The following MOB1B variants were observed in gnomAD, a reference collection of about 807,000 sequenced individuals.
MOB1B encodes the protein MOB kinase activator 1B.
MOB1B carries 19 observed loss-of-function variants against 24.4 expected under a neutral mutation model. That is an observed-to-expected ratio of 0.78 (90% CI 0.54 to 1.14). The LOEUF (loss-of-function observed/expected upper bound fraction) is 1.14, where lower values mean the gene tolerates loss of function less well. Among genes scored for constraint, MOB1B ranks in the 50% most tolerant of loss-of-function variants. The probability of loss-of-function intolerance (pLI) is 0.00; values close to 1 mark genes in which losing one functional copy is unlikely to be tolerated. For synonymous variants in MOB1B, 76 were observed against 82.1 expected, an observed-to-expected ratio of 0.93 and a Z score of 0.40; for missense variants, 243 against 259.6, an observed-to-expected ratio of 0.94 and a Z score of 0.44.
chr4:70,971,098 G>C (rs751831748), intron 3 of MOB1B, among the ~76,000 whole-genome samples: 4 of 152,212 alleles, frequency 2.6e-5, no homozygotes, highest in Admixed American at 6.5e-5. Context: ...GGGGTTTGTA[G>C]TTGCAGGTGC....
chr4:70,942,756 G>A (rs1177308552), intron 1 of MOB1B: 4 of 470,274 alleles, frequency 8.5e-6, no homozygotes, highest in Admixed American at 1.3e-4. Context: ...CTGTATCTGG[G>A]TTTATGAACA....
rs1022565270 is a variant in MOB1B, at chr4:70,983,374, T to A, written c.*1317T>A. On this transcript the variant is annotated 3_prime_UTR_variant, in exon 6 of 6. Transcript: ENST00000309395. ...GTATTAGATAATGAAAAATGCTAAT[T>A]CAGTAGTTATTAACTTCTAAATTTT... 1 of 152,584 alleles carries A rather than the reference T, an allele frequency of 6.6e-6. No homozygotes were observed. The highest frequency in any genetic ancestry group is 2.4e-5 in the African/African-American group (1 of 41,460). The allele number at this position is 152,584 out of a possible 1,614,324, so 9.5% of individuals were successfully genotyped here. A position where few individuals can be genotyped will look rare whatever the true frequency, so the allele number is the denominator to read the frequency against.
chr4:70,927,018 A>G (rs1210048563), intron 1 of MOB1B, among the ~76,000 whole-genome samples: 3 of 135,432 alleles, frequency 2.2e-5, no homozygotes, highest in Admixed American at 1.5e-4. Context: ...AAAAAAAAAG[A>G]AATAAGATGC....
In MOB1B at chr4:70,915,715, G is replaced by A. The variant is rs545627746; in HGVS notation, c.14+13165G>A. ...GTGACCCTGAGAAATCTTTATGGGC[G>A]GCAGAGGGGGACCGTTGGTCTTTTT... On this transcript the variant is annotated intron_variant, in intron 1 of 5. Coordinates refer to ENST00000309395, the MANE Select transcript of MOB1B (RefSeq NM_173468.4). 9.9e-4 allele frequency among the ~76,000 whole-genome samples: 151 copies of A among 152,052 alleles called. 1 individual carries two copies. The South Asian group carries it at 0.016, about 16-fold the overall frequency.
intron 1 of MOB1B, among the ~76,000 whole-genome samples, chr4:70,930,944 A>T (rs916310554): frequency 4.0e-5 from 6 of 149,678 alleles, no homozygotes; most frequent in African/African-American, 1.5e-4. Context: ...ACTTCTTTAA[A>T]CATTTTTAAT....
At chr4:70,903,409 C>T (rs1735601108) in intron 1 of MOB1B, among the ~76,000 whole-genome samples, 1 of 152,052 alleles carries the variant, frequency 6.6e-6, no homozygotes, top group African/African-American at 2.4e-5. Context: ...GGGGGAAGGG[C>T]AGAAGGATGG....
At chr4:70,980,322 G>GT (rs758392140) in intron 5 of MOB1B, among the ~76,000 whole-genome samples, 6 of 152,172 alleles carry the variant, frequency 3.9e-5, no homozygotes, top group Non-Finnish European at 8.8e-5. Flanking sequence ...TCTGTGTTTG[G>GT]TTTAGGCAGA....
chr4:70,976,657 A>G (rs1739009520), intron 4 of MOB1B: 1 of 969,824 alleles, frequency 1.0e-6, no homozygotes, highest in Non-Finnish European at 1.2e-6. Flanking sequence ...AACAATATAA[A>G]TAGTTGTTGT....
intron 5 of MOB1B, among the ~76,000 whole-genome samples, chr4:70,980,337 G>C (rs1382549849): frequency 6.6e-6 from 1 of 152,184 alleles, no homozygotes; most frequent in African/African-American, 2.4e-5. Context: ...GGCAGAACAT[G>C]ATTGCTAAAG....
chr4:70,981,856 A>G (rs1325000867), intron 5 of MOB1B, 124 bp from the exon 6 acceptor site: 1 of 654,194 alleles, frequency 1.5e-6, no homozygotes, highest in East Asian at 2.8e-5. Context: ...AACAAGAAAA[A>G]AATAATCTAC....
At chr4:70,952,702 A>T (rs1189433901) in intron 1 of MOB1B, among the ~76,000 whole-genome samples, 1 of 151,324 alleles carries the variant, frequency 6.6e-6, no homozygotes, top group African/African-American at 2.4e-5. Context: ...CTTATACCAG[A>T]TACTAGAAAC....
At chr4:70,956,482 A>T (rs183637796) in intron 1 of MOB1B, among the ~76,000 whole-genome samples, 1 of 151,912 alleles carries the variant, frequency 6.6e-6, no homozygotes, top group African/African-American at 2.4e-5. Flanking sequence ...CCAGGCTGGA[A>T]AGCAGTGGCG....
At chr4:70,923,682 G>A (rs1185314040) in intron 1 of MOB1B, among the ~76,000 whole-genome samples, 1 of 152,004 alleles carries the variant, frequency 6.6e-6, no homozygotes, top group African/African-American at 2.4e-5. Context: ...GGGTGCGGTG[G>A]CTCAAGCCTG....
rs796123021 is a variant in MOB1B at position 70,972,895 on chromosome 4, C to T, written c.276-2258C>T. ...TTCACACCATTCTCCTGCCTCAGCC[C>T]CCCGAGTAGCTGGGACTACAGGTGC... is the stretch of plus-strand genomic sequence containing the variant. On this transcript the variant is annotated intron_variant, in intron 3 of 5. Coordinates refer to ENST00000309395, the MANE Select transcript of MOB1B (RefSeq NM_173468.4). Among the ~76,000 whole-genome samples the T allele has an allele frequency of 2.1e-4, 32 of 152,034 alleles. 1 individual carries two copies. Among genetic ancestry groups the T allele is most frequent in the African/African-American group, 6.3e-4 (26 of 41,476 alleles).
At chr4:70,956,101 C>T (rs2148892487) in intron 1 of MOB1B, among the ~76,000 whole-genome samples, 1 of 152,144 alleles carries the variant, frequency 6.6e-6, no homozygotes, top group South Asian at 2.1e-4. Context: ...TACATTGTCT[C>T]ATTAAACTGA....
At chr4:70,973,835 G>T (rs145419403) in intron 3 of MOB1B, among the ~76,000 whole-genome samples, 1 of 152,220 alleles carries the variant, frequency 6.6e-6, no homozygotes, top group South Asian at 2.1e-4. Context: ...TAGTATTATT[G>T]TTCAGGTATA....
At chr4:70,959,079 G>A (rs756332767) in intron 2 of MOB1B, 39 bp downstream of exon 2, 2 of 1,569,432 alleles carry the variant, frequency 1.3e-6, no homozygotes, top group East Asian at 4.5e-5. Flanking sequence ...CTGTGAATTA[G>A]GGTAATAGCC....
At chr4:70,910,974 G>A (rs1274742730) in intron 1 of MOB1B, among the ~76,000 whole-genome samples, 1 of 152,102 alleles carries the variant, frequency 6.6e-6, no homozygotes, top group South Asian at 2.1e-4. Flanking sequence ...TTTTAGTATG[G>A]ATGGGGTTTC....
chr4:70,904,135 A>G (rs1169329941), intron 1 of MOB1B, among the ~76,000 whole-genome samples: 1 of 151,230 alleles, frequency 6.6e-6, no homozygotes, highest in East Asian at 2.0e-4. Context: ...GGCCCGCGCC[A>G]CCACGCCTGG....
Sources: allele counts gnomAD v4.1 joint callset (sites outside exome capture counted in the v4.1 genomes callset), GRCh38; gene constraint gnomAD v4.1.1; transcripts MANE v1.5; gene names NCBI Gene and HGNC (gene_info 2026-07-23, HGNC 2026-07-21).